The following RGL3 variants were observed in gnomAD, a reference collection of about 807,000 sequenced individuals.
RGL3 encodes the protein ral guanine nucleotide dissociation stimulator like 3.
RGL3 carries 85 observed loss-of-function variants against 90.6 expected under a neutral mutation model. The ratio of observed to expected loss-of-function variants is 0.94; its 90% CI spans 0.79 to 1.12. RGL3 has a LOEUF of 1.12. RGL3 is among the 50% of genes most tolerant of loss of function. RGL3 has a pLI of 0.00. For synonymous variants in RGL3, 408 were observed against 385.5 expected (o/e 1.06, Z -0.68); for missense variants, 1,034 against 939.2 (o/e 1.10, Z -1.32).
Position 11,394,426 on chromosome 19 carries a change from GT to G in RGL3, c.2108del (p.Asn703ThrfsTer105), listed in dbSNP as rs886258580. The part of the protein sequence containing the change: ...FMLRRKEGTR[N>X]TLSVSPS ...CTCAGCTTGGGGAGACAGACAGAGT[GT>G]TCCGGGTCCCCTCTTTCCGCCGCAG... On this transcript the variant is annotated frameshift_variant, in exon 19 of 19. Transcript: ENST00000380456. LOFTEE classifies it low-confidence loss of function (END_TRUNC). 1.9e-6 allele frequency: 3 copies of G among 1,613,752 alleles called. No individual in the cohort carries two copies. The highest frequency in any genetic ancestry group is 1.7e-6 in the Non-Finnish European group (2 of 1,179,842).
rs1479045248 is a variant in RGL3 at position 11,416,843 on chromosome 19, G to T, written c.364C>A (p.Pro122Thr). 25 of 1,613,692 alleles carry T rather than the reference G, an allele frequency of 1.5e-5. 1 individual carries two copies. The South Asian group carries it at 2.4e-4, about 16-fold the overall frequency. ...TTATGGTTCGCTACTGACCCGGGAG[G>T]TGGGGGCGGTGGCATTGGTGGCAGC... The part of the protein sequence containing the change: ...FLLPPMPPPP[P>T]PGVEIKKTAV... The change falls in exon 3 of 19, where the codon CCT becomes ACT. Residue 122 changes from proline to threonine, a missense_variant. Pro to Thr is a conservative substitution (Grantham distance 38). Transcript: ENST00000380456.
chr19:11,400,098 G>C lies in RGL3; in HGVS notation c.1591C>G (p.Arg531Gly). ...CCACTAGGTGATGAGCTTTTCTCTC[G>C]GGCAAGCTTCCTAAGGATGGGGACA... ...LTKRLSAKLA[R>G]EKSSSPSGSP... is the part of the protein sequence containing the mutation. Residue 531 changes from arginine (R) to glycine (G), a missense_variant, in exon 15 of 19, where the codon CGA becomes GGA. By Grantham distance (125) the Arg-to-Gly change is moderately radical. Transcript: ENST00000380456. The C allele has an allele frequency of 2.5e-6, 4 of 1,608,930 alleles. No homozygotes were observed. The highest frequency in any genetic ancestry group is 3.4e-6 in the Non-Finnish European group (4 of 1,177,886).
intron 13 of RGL3, among the ~76,000 whole-genome samples, chr19:11,401,562 ATT>A (rs896320939): frequency 6.8e-6 from 1 of 147,832 alleles, no homozygotes; most frequent in Non-Finnish European, 1.5e-5. Flanking sequence ...CACCTGGCTA[ATT>A]TTTTTTTTGT....
At position 11,394,416 on chromosome 19, in the gene RGL3, C is replaced by T. The variant is rs1599425844; in HGVS notation, c.2119G>A (p.Val707Ile). The T allele has an allele frequency of 6.2e-7, 1 of 1,613,520 alleles. No homozygotes were observed. The highest frequency in any genetic ancestry group is 1.3e-5 in the African/African-American group (1 of 74,958). Residue 707 changes from valine to isoleucine, a missense_variant, in exon 19 of 19, where the codon GTC (valine) becomes ATC (isoleucine). Physicochemically the swap from Val to Ile is conservative, Grantham distance 29 (BLOSUM62 3). Transcript: ENST00000380456. ...ACAGGGCTGCCTCAGCTTGGGGAGA[C>T]AGACAGAGTGTTCCGGGTCCCCTCT... is the stretch of plus-strand genomic sequence containing the variant. Reference protein sequence around the residue: ...RKEGTRNTLSVSPS With the variant: ...RKEGTRNTLSISPS
chr19:11,402,549 C>T lies in RGL3; in HGVS notation c.1243-8G>A, dbSNP rs757316769. Reference sequence around the variant, plus strand: ...AGGGCCTGGGGGTGGTTTCTGCAGCCCCCAAAGCTCCAGTCACTTGGGGCC... The same window carrying T: ...AGGGCCTGGGGGTGGTTTCTGCAGCTCCCAAAGCTCCAGTCACTTGGGGCC... On this transcript the variant is annotated splice_polypyrimidine_tract_variant and splice_region_variant and intron_variant, in intron 10 of 18. Transcript: ENST00000380456. 28 of 1,605,026 alleles carry T rather than the reference C, an allele frequency of 1.7e-5. No homozygotes were observed. The highest frequency in any genetic ancestry group is 2.2e-5 in the East Asian group (1 of 44,860).
Position 11,402,706 on chromosome 19 carries a change from C to T in RGL3, c.1186G>A (p.Glu396Lys). ...TCTTGGGATCCCTCAGTGGCCTCCTCCTGAGGGAAGAGAAAAACTGAGCCA... is the reference window on the plus strand; with the variant it reads ...TCTTGGGATCCCTCAGTGGCCTCCTTCTGAGGGAAGAGAAAAACTGAGCCA... ...HLSSREILFQEEATEGSQEED... is the reference protein window; with the variant it reads ...HLSSREILFQKEATEGSQEED... The change falls in exon 10 of 19, where the codon GAG becomes AAG. Residue 396 changes from glutamate to lysine, a missense_variant and splice_region_variant. Transcript: ENST00000380456. 1 of 1,612,906 alleles carries T rather than the reference C, an allele frequency of 6.2e-7. No homozygotes were observed. Among genetic ancestry groups the T allele is most frequent in the Non-Finnish European group, 8.5e-7 (1 of 1,179,610 alleles).
rs1342542869 is a variant in RGL3 at position 11,418,696 on chromosome 19, G to C, written c.122C>G (p.Pro41Arg). 1 of 1,565,286 alleles carries C rather than the reference G, an allele frequency of 6.4e-7. No individual in the cohort carries two copies. The highest frequency in any genetic ancestry group is 2.3e-5 in the East Asian group (1 of 42,988). The change falls in exon 2 of 19, where the codon CCG (proline) becomes CGG (arginine). Residue 41 changes from proline (P) to arginine (R), a missense_variant. By Grantham distance (103) the Pro-to-Arg change is moderately radical. Transcript: ENST00000380456. ...CTGGCTGCCCCCGGGGCCCTCCGCC[G>C]GGCTCCTGCGCTGACTGCGCTGCCG... ...LRRQRSQRRS[P>R]AEGPGGSQAP... is the part of the protein sequence containing the mutation.
At chr19:11,413,484 G>C (rs370115027) in intron 5 of RGL3, among the ~76,000 whole-genome samples, 2 of 143,110 alleles carry the variant, frequency 1.4e-5, no homozygotes, top group Non-Finnish European at 3.0e-5. Context: ...GCAGTGTGCC[G>C]AGATGGCGCC....
At chr19:11,417,213 A>G (rs1483435328) in intron 2 of RGL3, among the ~76,000 whole-genome samples, 154 bp from the exon 3 acceptor site, 1 of 148,138 alleles carries the variant, frequency 6.8e-6, no homozygotes, top group East Asian at 2.0e-4. Context: ...GTGCAGTGGC[A>G]CGATCTTGGG....
At chr19:11,406,248 C>T (rs1038735385) in intron 7 of RGL3, among the ~76,000 whole-genome samples, 171 bp downstream of exon 7, 2 of 152,150 alleles carry the variant, frequency 1.3e-5, no homozygotes, top group Non-Finnish European at 2.9e-5. Flanking sequence ...CCCGCGGCCT[C>T]TCTGCAGGAC....
Position 11,406,759 on chromosome 19 carries a change from A to G in RGL3, c.743T>C (p.Val248Ala). The change falls in exon 6 of 19, where the codon GTG (valine) becomes GCG (alanine). Residue 248 changes from valine (V) to alanine (A), a missense_variant. By Grantham distance (64) the Val-to-Ala change is moderately conservative. Coordinates refer to ENST00000380456, the MANE Select transcript of RGL3 (RefSeq NM_001035223.4). ...PQGPQLLDFSVDEVAEQLTLI... is the reference protein window; with the variant it reads ...PQGPQLLDFSADEVAEQLTLI... ...GGTCAGCTGCTCGGCCACCTCGTCCACGCTGAAGTCCAGGAGCTGGGGACC... is the reference window on the plus strand; with the variant it reads ...GGTCAGCTGCTCGGCCACCTCGTCCGCGCTGAAGTCCAGGAGCTGGGGACC... 3.1e-6 allele frequency: 5 copies of G among 1,614,094 alleles called. No homozygotes were observed. The highest frequency in any genetic ancestry group is 4.2e-6 in the Non-Finnish European group (5 of 1,180,026).
chr19:11,406,929 T>G (rs1599437086), intron 5 of RGL3, 65 bp from the exon 6 acceptor site: 1 of 1,498,278 alleles, frequency 6.7e-7, no homozygotes, highest in Non-Finnish European at 9.1e-7. Context: ...TGACCTTGGG[T>G]GAGTCCCTGT....
In RGL3 at chr19:11,394,406, C is replaced by G. The variant is rs1307046643; in HGVS notation, c.2129G>C (p.Ser710Thr). 6.2e-7 allele frequency: 1 copy of G among 1,613,016 alleles called. No individual in the cohort carries two copies. Among genetic ancestry groups the G allele is most frequent in the Middle Eastern group, 1.7e-4 (1 of 6,056 alleles). ...GTRNTLSVSP[S>T] ...TGTGGAGAGGACAGGGCTGCCTCAG[C>G]TTGGGGAGACAGACAGAGTGTTCCG... Residue 710 changes from serine to threonine, a missense_variant, in exon 19 of 19, where the codon AGC (serine) becomes ACC (threonine). By Grantham distance (58) the Ser-to-Thr change is moderately conservative. Transcript: ENST00000380456.
chr19:11,402,052 C>A lies in RGL3; in HGVS notation c.1443G>T (p.Leu481=). ...GCTGGTTCTGGGCATGCAGGGCAGCCAGGATGGGCGGGTGGGGGCTCAGGG... is the reference window on the plus strand; with the variant it reads ...GCTGGTTCTGGGCATGCAGGGCAGCAAGGATGGGCGGGTGGGGGCTCAGGG... ...SYTLSPHPPI[L]AALHAQNQLT... The change falls in exon 13 of 19, where the codon CTG becomes CTT. Residue 481 remains leucine, a synonymous_variant. Coordinates refer to ENST00000380456, the MANE Select transcript of RGL3 (RefSeq NM_001035223.4). 6.4e-7 allele frequency: 1 copy of A among 1,571,148 alleles called. No homozygotes were observed. Among genetic ancestry groups the A allele is most frequent in the Non-Finnish European group, 8.6e-7 (1 of 1,158,362 alleles).
rs548036307 is a variant in RGL3 at position 11,394,174 on chromosome 19, C to T, written c.*228G>A. Reference sequence around the variant, plus strand: ...CGTATCCATGCCCCACCTCTTTCTACATTTATGGGATTGAGCTCTCCACCA... The same window carrying T: ...CGTATCCATGCCCCACCTCTTTCTATATTTATGGGATTGAGCTCTCCACCA... On this transcript the variant is annotated 3_prime_UTR_variant, in exon 19 of 19. Transcript: ENST00000380456. 2.0e-6 allele frequency: 1 copy of T among 495,862 alleles called. No individual in the cohort carries two copies. The highest frequency in any genetic ancestry group is 2.5e-5 in the South Asian group (1 of 40,340). 30.7% of individuals were successfully genotyped at this position (495,862 alleles called of 1,614,324 possible). A position where few individuals can be genotyped will look rare whatever the true frequency, so the allele number is the denominator to read the frequency against.
intron 5 of RGL3, among the ~76,000 whole-genome samples, chr19:11,413,484 G>T (rs370115027): frequency 7.0e-6 from 1 of 143,110 alleles, no homozygotes; most frequent in Non-Finnish European, 1.5e-5. Context: ...GCAGTGTGCC[G>T]AGATGGCGCC....
intron 16 of RGL3, among the ~76,000 whole-genome samples, chr19:11,398,663 CTTTTCTTTTTTTGT>C (rs1438498534): frequency 6.7e-6 from 1 of 148,830 alleles, no homozygotes; most frequent in Non-Finnish European, 1.5e-5. Context: ...CCTTCATTTC[CTTTTCTTTTTTTGT>C]TTTTCTTTTA....
At chr19:11,403,640 C>CAAAAA (rs889376839) in intron 9 of RGL3, among the ~76,000 whole-genome samples, 7 of 49,336 alleles carry the variant, frequency 1.4e-4, no homozygotes, top group African/African-American at 2.1e-4. Context: ...AACTCCATCT[C>CAAAAA]AAAAAAAAAA....
chr19:11,416,574 T>C (rs779037301), intron 4 of RGL3, 40 bp downstream of exon 4: 1 of 1,599,448 alleles, frequency 6.3e-7, no homozygotes, highest in South Asian at 1.1e-5. Context: ...ACCTCTTGGA[T>C]TTCCCTCCCC....
Sources: gnomAD v4.1 joint callset for allele counts (sites outside exome capture counted in the v4.1 genomes callset) on GRCh38, gnomAD v4.1.1 for gene constraint, MANE v1.5 for transcripts, NCBI Gene and HGNC (gene_info 2026-07-23, HGNC 2026-07-21) for gene names.